The following NHS variants were observed in gnomAD, a reference collection of about 807,000 sequenced individuals.
The protein encoded by NHS is NHS actin remodeling regulator.
Under a neutral mutation model 72.5 loss-of-function variants are expected in NHS, and 5 were observed. The observed-to-expected ratio is 0.07, with a 90% CI of 0.04 to 0.14. NHS has a LOEUF of 0.14. Among genes scored for constraint, NHS ranks in the 10% least tolerant of loss-of-function variants. The pLI is 1.00. For missense variants in NHS, 1,072 were observed against 1,355.7 expected (o/e 0.79, Z 3.29); for synonymous variants, 464 against 547.7 (o/e 0.85, Z 2.13).
chrX:17,593,583 G>A (rs1242922346), intron 1 of NHS, among the ~76,000 whole-genome samples: 1 of 110,946 alleles, frequency 9.0e-6, no homozygotes, highest in East Asian at 2.8e-4. Context: ...GTTTTGATAG[G>A]AGAATGCAAG....
chrX:17,600,294 G>GAC lies in NHS; in HGVS notation c.566-87447_566-87446insCA, dbSNP rs199706729. Among the ~76,000 whole-genome samples the GAC allele has an allele frequency of 1.4e-3, 155 of 109,842 alleles. 1 individual carries two copies. Among genetic ancestry groups the GAC allele is most frequent in the African/African-American group, 4.7e-3 (140 of 30,101 alleles). On this transcript the variant is annotated intron_variant, in intron 1 of 8. Transcript: ENST00000676302. Reference sequence around the variant, plus strand: ...GCTGAGACAGAGAGAGACAGAGAGAGAGAGAGAGAGAGAGAGAGAGTGAGT... The same window carrying GAC: ...GCTGAGACAGAGAGAGACAGAGAGAGACAGAGAGAGAGAGAGAGAGAGTGAGT...
intron 1 of NHS, among the ~76,000 whole-genome samples, chrX:17,465,146 G>A (rs1466532306): frequency 8.9e-6 from 1 of 111,872 alleles, no homozygotes; most frequent in Non-Finnish European, 1.9e-5. Context: ...ATGTCTCCAG[G>A]TAAGTCCCTT....
intron 2 of NHS, among the ~76,000 whole-genome samples, chrX:17,691,178 TC>T (rs2066193375): frequency 8.9e-6 from 1 of 111,773 alleles, no homozygotes; most frequent in Admixed American, 9.5e-5. Flanking sequence ...AGTTGATGTC[TC>T]CCTTCCAACT....
chrX:17,621,787 C>T (rs912179655), intron 1 of NHS, among the ~76,000 whole-genome samples: 8 of 111,697 alleles, frequency 7.2e-5, no homozygotes, highest in Admixed American at 1.9e-4. Context: ...AGCAGGCTGC[C>T]GCTGGAGCCT....
At chrX:17,694,631 C>T (rs771145624) in intron 3 of NHS, among the ~76,000 whole-genome samples, 1 of 112,128 alleles carries the variant, frequency 8.9e-6, no homozygotes, top group Non-Finnish European at 1.9e-5. Flanking sequence ...CTACCACTTG[C>T]GAGCTGTATG....
intron 3 of NHS, among the ~76,000 whole-genome samples, chrX:17,713,384 C>T (rs1027104867): frequency 3.6e-5 from 4 of 111,932 alleles, no homozygotes; most frequent in Non-Finnish European, 7.5e-5. Context: ...CAATGGACAT[C>T]TTTGCTGTAA....
At chrX:17,541,474 A>G (rs2065262267) in intron 1 of NHS, among the ~76,000 whole-genome samples, 1 of 111,968 alleles carries the variant, frequency 8.9e-6, no homozygotes, top group Non-Finnish European at 1.9e-5. Context: ...GGGAGTGGTG[A>G]TACAGCCCAC....
intron 1 of NHS, among the ~76,000 whole-genome samples, chrX:17,396,483 A>C (rs2064475643): frequency 9.0e-6 from 1 of 111,728 alleles, no homozygotes; most frequent in Admixed American, 9.6e-5. Context: ...CCACAGTTTG[A>C]AAAACTGCTC....
In NHS at chrX:17,656,307, G is replaced by T. The variant is rs1168930572; in HGVS notation, c.566-31435G>T. On this transcript the variant is annotated intron_variant, in intron 1 of 8. Transcript: ENST00000676302. ...GGCGCCAGGGGAGGCTAGCCTCGGC[G>T]TGGCGCCCCACCGCAACCCTCCGGG... Among the ~76,000 whole-genome samples the T allele has an allele frequency of 7.9e-5, 9 of 113,540 alleles. 1 individual carries two copies. The Admixed American group carries it at 8.2e-4, about 10-fold the overall frequency.
intron 1 of NHS, among the ~76,000 whole-genome samples, chrX:17,671,378 T>C (rs2066044811): frequency 8.9e-6 from 1 of 112,433 alleles, no homozygotes; most frequent in Admixed American, 9.4e-5. Context: ...CCAAAGCAAC[T>C]CCTAATTCAG....
chrX:17,687,616 G>A, intron 1 of NHS, 126 bp from the exon 2 acceptor site: 1 of 790,497 alleles, frequency 1.3e-6, no homozygotes, highest in African/African-American at 2.0e-5. Context: ...AGTTCTTAAT[G>A]TGAATGCAGT....
intron 1 of NHS, among the ~76,000 whole-genome samples, chrX:17,558,693 A>T (rs1363105075): frequency 8.9e-6 from 1 of 112,278 alleles, no homozygotes; most frequent in Non-Finnish European, 1.9e-5. Context: ...AACATGTGCT[A>T]GTCCTAGGGC....
intron 1 of NHS, among the ~76,000 whole-genome samples, chrX:17,626,622 T>C (rs2065799120): frequency 9.0e-6 from 1 of 111,582 alleles, no homozygotes; most frequent in Non-Finnish European, 1.9e-5. Context: ...GAACTCCACA[T>C]CAGTGTCAGA....
intron 1 of NHS, among the ~76,000 whole-genome samples, chrX:17,505,467 A>G (rs1021327428): frequency 5.4e-5 from 6 of 111,746 alleles, no homozygotes; most frequent in Admixed American, 9.5e-5. Context: ...AACCTTAGGT[A>G]TTACCAAGCT....
At chrX:17,714,821 G>A (rs1321116403) in intron 3 of NHS, among the ~76,000 whole-genome samples, 2 of 111,922 alleles carry the variant, frequency 1.8e-5, no homozygotes, top group Admixed American at 9.5e-5. Flanking sequence ...CCATTAAGGC[G>A]TGGCAGGCTG....
At chrX:17,418,845 AG>A (rs981090994) in intron 1 of NHS, among the ~76,000 whole-genome samples, 3 of 111,821 alleles carry the variant, frequency 2.7e-5, no homozygotes, top group African/African-American at 9.8e-5. Flanking sequence ...TAAGGGACGG[AG>A]GAAAAGAAGA....
chrX:17,628,165 T>C (rs896309264), intron 1 of NHS, among the ~76,000 whole-genome samples: 1 of 112,669 alleles, frequency 8.9e-6, no homozygotes, highest in Admixed American at 9.4e-5. Context: ...GTATTTGTCT[T>C]TGGACTCCCT....
At chrX:17,430,067 C>G (rs1393974100) in intron 1 of NHS, among the ~76,000 whole-genome samples, 1 of 109,888 alleles carries the variant, frequency 9.1e-6, no homozygotes, top group Non-Finnish European at 1.9e-5. Flanking sequence ...TCAGATTATG[C>G]ACATATTTTT....
intron 1 of NHS, among the ~76,000 whole-genome samples, chrX:17,573,486 T>C (rs1429157367): frequency 9.1e-6 from 1 of 109,542 alleles, no homozygotes; most frequent in Non-Finnish European, 1.9e-5. Flanking sequence ...TTGAAGCTTA[T>C]GTATGCTTCA....
Sources: allele counts gnomAD v4.1 joint callset (sites outside exome capture counted in the v4.1 genomes callset), GRCh38; gene constraint gnomAD v4.1.1; transcripts MANE v1.5; gene names NCBI Gene and HGNC (gene_info 2026-07-23, HGNC 2026-07-21).